The following MARCHF8 variants were observed in gnomAD, a reference collection of about 807,000 sequenced individuals.
MARCHF8 encodes E3 ubiquitin-protein ligase MARCHF8.
Under a neutral mutation model 51.6 loss-of-function variants are expected in MARCHF8, and 40 were observed. The observed-to-expected ratio is 0.77, with a 90% CI of 0.60 to 1.01. MARCHF8 has a LOEUF of 1.01. Ranked by LOEUF, MARCHF8 falls within the 50% of genes least tolerant of loss-of-function variation. MARCHF8 has a pLI of 0.00. For synonymous variants in MARCHF8, 263 were observed against 280.3 expected, an observed-to-expected ratio of 0.94 and a Z score of 0.62; for missense variants, 685 against 708.6, an observed-to-expected ratio of 0.97 and a Z score of 0.38.
chr10:45,558,699 T>C (rs1362632327), intron 1 of MARCHF8, among the ~76,000 whole-genome samples: 4 of 152,212 alleles, frequency 2.6e-5, no homozygotes, highest in Admixed American at 2.6e-4. Flanking sequence ...GCAGGCTGTG[T>C]GTACATACAA....
intron 3 of MARCHF8, among the ~76,000 whole-genome samples, chr10:45,469,623 T>TG (rs776422027): frequency 2.8e-4 from 42 of 152,018 alleles, no homozygotes; most frequent in Non-Finnish European, 5.3e-4. Context: ...CCCAGCACTT[T>TG]GGGGGGCCGA....
At chr10:45,581,986 C>G (rs2044560954) in intron 1 of MARCHF8, among the ~76,000 whole-genome samples, 1 of 150,884 alleles carries the variant, frequency 6.6e-6, no homozygotes, top group Non-Finnish European at 1.5e-5. Flanking sequence ...TATGAATCAT[C>G]ATTATTATAA....
intron 1 of MARCHF8, among the ~76,000 whole-genome samples, chr10:45,555,968 C>T (rs775746581): frequency 2.6e-5 from 4 of 151,718 alleles, no homozygotes; most frequent in Non-Finnish European, 4.4e-5. Flanking sequence ...AGTATTCCAG[C>T]GAATAAATGA....
chr10:45,591,614 T>C (rs901103673), intron 1 of MARCHF8, among the ~76,000 whole-genome samples: 4 of 152,186 alleles, frequency 2.6e-5, no homozygotes, highest in East Asian at 1.9e-4. Context: ...CATACTCTTA[T>C]ATGCGTGACA....
chr10:45,565,388 G>C (rs567589938), intron 1 of MARCHF8, among the ~76,000 whole-genome samples: 4 of 151,964 alleles, frequency 2.6e-5, no homozygotes, highest in Non-Finnish European at 5.9e-5. Context: ...CCAAGATTGT[G>C]ACTGCACTCC....
intron 1 of MARCHF8, among the ~76,000 whole-genome samples, chr10:45,592,185 C>G (rs193053224): frequency 6.7e-6 from 1 of 150,176 alleles, no homozygotes; most frequent in Non-Finnish European, 1.5e-5. Flanking sequence ...TTGGTCTGGA[C>G]AAGAAAGAAA....
At chr10:45,549,756 T>C (rs187638086) in intron 1 of MARCHF8, among the ~76,000 whole-genome samples, 6 of 152,206 alleles carry the variant, frequency 3.9e-5, no homozygotes, top group Non-Finnish European at 8.8e-5. Flanking sequence ...ATCATGGGAG[T>C]GGGTTCCTAA....
intron 3 of MARCHF8, among the ~76,000 whole-genome samples, chr10:45,467,990 C>A (rs1332970865): frequency 6.6e-6 from 1 of 152,032 alleles, no homozygotes; most frequent in East Asian, 1.9e-4. Context: ...AAAAAAAATT[C>A]TTGTAAAAAT....
chr10:45,572,783 G>T (rs765489191), intron 1 of MARCHF8, among the ~76,000 whole-genome samples: 8 of 151,826 alleles, frequency 5.3e-5, no homozygotes, highest in Non-Finnish European at 1.0e-4. Flanking sequence ...TCCTCCCCAG[G>T]CTGCTTTTCT....
At chr10:45,561,697 G>A (rs542025053) in intron 1 of MARCHF8, among the ~76,000 whole-genome samples, 5 of 150,798 alleles carry the variant, frequency 3.3e-5, no homozygotes, top group Non-Finnish European at 5.9e-5. Flanking sequence ...TCAGGAGATC[G>A]AGACCATCCT....
intron 2 of MARCHF8, among the ~76,000 whole-genome samples, chr10:45,522,173 A>T (rs1334321982): frequency 6.6e-6 from 1 of 152,226 alleles, no homozygotes; most frequent in Non-Finnish European, 1.5e-5. Context: ...TTAATTTAAT[A>T]AAATAATTTT....
intron 1 of MARCHF8, among the ~76,000 whole-genome samples, chr10:45,555,032 C>T (rs192235586): frequency 4.6e-5 from 7 of 152,034 alleles, no homozygotes; most frequent in African/African-American, 9.6e-5. Context: ...CCAGCCTGGG[C>T]GACAGAGTGA....
intron 1 of MARCHF8, among the ~76,000 whole-genome samples, chr10:45,551,824 T>C (rs1202185523): frequency 6.6e-6 from 1 of 151,500 alleles, no homozygotes; most frequent in Non-Finnish European, 1.5e-5. Flanking sequence ...TCTATCTATA[T>C]ATATAGGTAT....
chr10:45,573,292 C>T (rs1376541357), intron 1 of MARCHF8, among the ~76,000 whole-genome samples: 2 of 152,198 alleles, frequency 1.3e-5, no homozygotes, highest in Non-Finnish European at 1.5e-5. Flanking sequence ...CACAACAGGA[C>T]TTAATTAACC....
chr10:45,483,617 C>T (rs1333937693), intron 3 of MARCHF8, among the ~76,000 whole-genome samples: 1 of 152,170 alleles, frequency 6.6e-6, no homozygotes, highest in African/African-American at 2.4e-5. Context: ...ATCTGTACTC[C>T]CATGTTTATT....
At chr10:45,579,314 T>G (rs370891532) in intron 1 of MARCHF8, among the ~76,000 whole-genome samples, 8 of 152,080 alleles carry the variant, frequency 5.3e-5, no homozygotes, top group African/African-American at 1.2e-4. Flanking sequence ...TTTGTGTATT[T>G]TTTCTGTAAG....
chr10:45,581,433 C>A (rs2044554327), intron 1 of MARCHF8, among the ~76,000 whole-genome samples: 2 of 152,176 alleles, frequency 1.3e-5, no homozygotes, highest in Non-Finnish European at 2.9e-5. Context: ...GAAATGTAAA[C>A]ACACACATTA....
chr10:45,545,556 T>C (rs1046147484), intron 1 of MARCHF8, among the ~76,000 whole-genome samples: 7 of 152,298 alleles, frequency 4.6e-5, no homozygotes, highest in East Asian at 1.9e-4. Context: ...ATTTCAAATA[T>C]AGTGGAATGT....
chr10:45,474,579 C>T (rs866085854), intron 3 of MARCHF8, among the ~76,000 whole-genome samples: 1 of 152,116 alleles, frequency 6.6e-6, no homozygotes, highest in Non-Finnish European at 1.5e-5. Flanking sequence ...TATATTTTCA[C>T]ATTAAAAAGT....
Sources: allele counts gnomAD v4.1 joint callset (sites outside exome capture counted in the v4.1 genomes callset), GRCh38; gene constraint gnomAD v4.1.1; transcripts MANE v1.5; gene names NCBI Gene and HGNC (gene_info 2026-07-23, HGNC 2026-07-21).